EFCAB11: variants seen among roughly 807,000 people sequenced by gnomAD.
The protein encoded by EFCAB11 is EF-hand calcium binding domain 11.
In EFCAB11, 14 loss-of-function variants were observed where a neutral mutation model predicts 23.0. The ratio of observed to expected loss-of-function variants is 0.61; its 90% CI spans 0.40 to 0.95. The LOEUF (loss-of-function observed/expected upper bound fraction) is 0.95, where lower values mean the gene tolerates loss of function less well. Among genes scored for constraint, EFCAB11 ranks in the 40% least tolerant of loss-of-function variants. The pLI, the probability that EFCAB11 is intolerant of heterozygous loss-of-function variation, is 0.00. For synonymous variants in EFCAB11, 65 were observed against 66.6 expected, an observed-to-expected ratio of 0.98 and a Z score of 0.11; for missense variants, 198 against 195.8, an observed-to-expected ratio of 1.01 and a Z score of -0.07.
At chr14:89,862,208 A>G (rs976667735) in intron 5 of EFCAB11, among the ~76,000 whole-genome samples, 44 of 152,240 alleles carry the variant, frequency 2.9e-4, no homozygotes, top group African/African-American at 1.0e-3. Context: ...TTCACTTTTA[A>G]TTATATAAAG....
Position 89,877,284 on chromosome 14 carries a change from C to T in EFCAB11, c.410+54257G>A, listed in dbSNP as rs866894995. The stretch of plus-strand genomic sequence containing the variant: ...TGAACTCCTGACTTTGTGATCTGCC[C>T]GCCTCGGCCTCCCAAAGTGCTAGGA... On this transcript the variant is annotated intron_variant, in intron 5 of 5. Transcript: ENST00000316738. Among the ~76,000 whole-genome samples, 10 of 152,002 alleles carry T rather than the reference C, an allele frequency of 6.6e-5. 1 individual carries two copies. In the South Asian group the frequency reaches 8.3e-4, roughly 13 times the overall value.
chr14:89,814,998 T>C (rs1886283710), intron 5 of EFCAB11, among the ~76,000 whole-genome samples: 1 of 152,186 alleles, frequency 6.6e-6, no homozygotes, highest in African/African-American at 2.4e-5. Context: ...GGACTCCCCA[T>C]TTCAACTGCT....
intron 2 of EFCAB11, 37 bp downstream of exon 2, chr14:89,953,869 C>G: frequency 6.4e-7 from 1 of 1,551,366 alleles, no homozygotes; most frequent in South Asian, 1.1e-5. Flanking sequence ...CACCTTTGAT[C>G]GTCTACCCCA....
At chr14:89,923,795 T>A in intron 5 of EFCAB11, 1 of 985,364 alleles carries the variant, frequency 1.0e-6, no homozygotes, top group Non-Finnish European at 1.2e-6. Context: ...AATTTTCTCT[T>A]GTTAGAGATG....
chr14:89,848,243 G>A (rs562867148), intron 5 of EFCAB11, among the ~76,000 whole-genome samples: 1 of 152,232 alleles, frequency 6.6e-6, no homozygotes, highest in Non-Finnish European at 1.5e-5. Flanking sequence ...TGGCAGTTAG[G>A]ATTCAAATCT....
intron 5 of EFCAB11, among the ~76,000 whole-genome samples, chr14:89,799,725 T>C (rs1885706582): frequency 6.6e-6 from 1 of 151,932 alleles, no homozygotes; most frequent in African/African-American, 2.4e-5. Flanking sequence ...TTTGCTGCTG[T>C]GGCCCCACTT....
chr14:89,914,380 A>G (rs1291721721), intron 5 of EFCAB11, among the ~76,000 whole-genome samples: 4 of 152,206 alleles, frequency 2.6e-5, no homozygotes, highest in Admixed American at 2.0e-4. Flanking sequence ...TAATCAGCAC[A>G]TCCGTTATCT....
At chr14:89,948,973 CAA>C (rs928062018) in intron 3 of EFCAB11, among the ~76,000 whole-genome samples, 2 of 151,170 alleles carry the variant, frequency 1.3e-5, no homozygotes, top group Non-Finnish European at 3.0e-5. Context: ...AAAAAATAAC[CAA>C]AAGAGTATAA....
intron 5 of EFCAB11, among the ~76,000 whole-genome samples, chr14:89,817,217 G>T (rs982706014): frequency 1.3e-5 from 2 of 151,970 alleles, no homozygotes; most frequent in Non-Finnish European, 2.9e-5. Flanking sequence ...GTATCAAAAA[G>T]CAACCCACAT....
chr14:89,798,234 G>A (rs943221420), intron 5 of EFCAB11, among the ~76,000 whole-genome samples: 1 of 152,208 alleles, frequency 6.6e-6, no homozygotes, highest in Non-Finnish European at 1.5e-5. Flanking sequence ...TAATGGTTCT[G>A]GATAGAGTGA....
At chr14:89,856,748 AT>A (rs1391757065) in intron 5 of EFCAB11, among the ~76,000 whole-genome samples, 1 of 152,126 alleles carries the variant, frequency 6.6e-6, no homozygotes, top group African/African-American at 2.4e-5. Context: ...AGAAATGTCT[AT>A]TTAGGACCTT....
rs960227035 is a variant in EFCAB11 at position 89,795,346 on chromosome 14, T to A, written c.*1897A>T. The A allele has an allele frequency of 2.0e-5, 3 of 151,006 alleles. No individual in the cohort carries two copies. The highest frequency in any genetic ancestry group is 2.9e-5 in the Non-Finnish European group (2 of 67,890). The allele number at this position is 151,006 out of a possible 1,614,324, so 9.4% of individuals were successfully genotyped here. A position where few individuals can be genotyped will look rare whatever the true frequency, so the allele number is the denominator to read the frequency against. The stretch of plus-strand genomic sequence containing the variant: ...TACCAAATGACATTTAGTTGTCACA[T>A]CTTGTTAGGCTCCTCTTATTTGACA... On this transcript the variant is annotated 3_prime_UTR_variant, in exon 6 of 6. Coordinates refer to ENST00000316738, the MANE Select transcript of EFCAB11 (RefSeq NM_145231.4).
intron 5 of EFCAB11, among the ~76,000 whole-genome samples, chr14:89,823,262 G>A (rs771153220): frequency 1.3e-5 from 2 of 152,108 alleles, no homozygotes; most frequent in Admixed American, 6.6e-5. Flanking sequence ...GTAGACCCTG[G>A]CCAACAGCCT....
intron 3 of EFCAB11, among the ~76,000 whole-genome samples, chr14:89,943,247 G>GTTT (rs35175946): frequency 7.8e-5 from 11 of 140,128 alleles, no homozygotes; most frequent in South Asian, 2.3e-4. Context: ...TTTCAGACCT[G>GTTT]TTTTTTTTTT....
chr14:89,951,881 C>G (rs1260917039), intron 2 of EFCAB11, among the ~76,000 whole-genome samples: 1 of 152,074 alleles, frequency 6.6e-6, no homozygotes, highest in South Asian at 2.1e-4. Context: ...GCCTAGATCA[C>G]GCCACTACAC....
intron 3 of EFCAB11, among the ~76,000 whole-genome samples, chr14:89,949,511 C>T (rs968102808): frequency 1.3e-5 from 2 of 152,042 alleles, no homozygotes; most frequent in African/African-American, 4.8e-5. Flanking sequence ...ATTATAGGTG[C>T]CTGCCACCAC....
rs912386439 is a variant in EFCAB11 at position 89,795,464 on chromosome 14, C to G, written c.*1779G>C. On this transcript the variant is annotated 3_prime_UTR_variant, in exon 6 of 6. Transcript: ENST00000316738. ...CCGAGGCAGACGGATCACTTGAGGT[C>G]AGGAGTTCAAGACCAGCCTGGCCAA... 6.6e-6 allele frequency: 1 copy of G among 151,546 alleles called. No homozygotes were observed. Among genetic ancestry groups the G allele is most frequent in the Non-Finnish European group, 1.5e-5 (1 of 67,882 alleles). 9.4% of individuals were successfully genotyped at this position (151,546 alleles called of 1,614,324 possible).
intron 5 of EFCAB11, among the ~76,000 whole-genome samples, chr14:89,850,821 C>A (rs141943993): frequency 1.2e-4 from 18 of 152,118 alleles, no homozygotes; most frequent in African/African-American, 4.1e-4. Context: ...CGCTACATGG[C>A]CTCATTTATT....
chr14:89,882,025 TCAAGAG>T (rs1888617001), intron 5 of EFCAB11, among the ~76,000 whole-genome samples: 1 of 152,210 alleles, frequency 6.6e-6, no homozygotes, highest in East Asian at 1.9e-4. Flanking sequence ...ACTGGTTTGC[TCAAGAG>T]CACCTGTGTG....
Sources: allele counts gnomAD v4.1 joint callset (sites outside exome capture counted in the v4.1 genomes callset), GRCh38; gene constraint gnomAD v4.1.1; transcripts MANE v1.5; gene names NCBI Gene and HGNC (gene_info 2026-07-23, HGNC 2026-07-21).